CIROZ: variants seen among roughly 807,000 people sequenced by gnomAD.
The protein encoded by CIROZ is ciliated left-right organizer protein containing ZP-N domains, also known as ciliated left-right organizer ZP-N domains-containing protein.
chr1:10,959,245 C>A, the CIROZ span, among the ~76,000 whole-genome samples: 3 of 152,168 alleles, frequency 2.0e-5, no homozygotes, highest in Non-Finnish European at 2.9e-5. This position sits in a 1 kb window ranked among gnomAD's most constrained non-coding sequence, Gnocchi z 4.3. Context: ...ACCAACCATC[C>A]CGGTTCCCCA....
the CIROZ span, chr1:10,957,892 C>T: frequency 5.2e-5 from 49 of 945,778 alleles, no homozygotes; most frequent in East Asian, 9.2e-4. Context: ...GGAGGCAGGA[C>T]GGCAGGCCAC....
chr1:10,972,237 G>A, the CIROZ span, among the ~76,000 whole-genome samples: 2 of 152,176 alleles, frequency 1.3e-5, no homozygotes, highest in Non-Finnish European at 2.9e-5. Context: ...TTGATAGAGA[G>A]CTTAAGTTAA....
At chr1:10,957,122 G>T in the CIROZ span, 29 of 1,546,966 alleles carry the variant, frequency 1.9e-5, no homozygotes, top group South Asian at 3.2e-4. Context: ...GGAGGAAGGG[G>T]GGTCCCCCCT....
At chr1:10,975,100 C>CG in the CIROZ span, among the ~76,000 whole-genome samples, 45 of 152,160 alleles carry the variant, frequency 3.0e-4, no homozygotes, top group East Asian at 6.0e-3. Flanking sequence ...GATGAAACCC[C>CG]GCCTCTACTA....
At chr1:10,973,484 G>C in the CIROZ span, among the ~76,000 whole-genome samples, 1 of 152,230 alleles carries the variant, frequency 6.6e-6, no homozygotes, top group South Asian at 2.1e-4. Flanking sequence ...GGAAGGCTCA[G>C]GAGCTCTTCT....
At chr1:10,963,620 G>A in the CIROZ span, among the ~76,000 whole-genome samples, 1 of 151,928 alleles carries the variant, frequency 6.6e-6, no homozygotes, top group East Asian at 1.9e-4. Context: ...GAGCACACAC[G>A]GCCATGAAAG....
chr1:10,949,438 C>A, the CIROZ span: 1 of 750,934 alleles, frequency 1.3e-6, no homozygotes, highest in South Asian at 1.8e-5. Context: ...CTCTTGGGGG[C>A]CCAGCTTTCT....
chr1:10,957,210 G>T, the CIROZ span: 1 of 869,526 alleles, frequency 1.2e-6, no homozygotes, highest in South Asian at 1.8e-5. Flanking sequence ...ATTAGTCTCT[G>T]AACTAAAGCC....
At chr1:10,963,495 C>A in the CIROZ span, among the ~76,000 whole-genome samples, 1 of 152,008 alleles carries the variant, frequency 6.6e-6, no homozygotes, top group African/African-American at 2.4e-5. Flanking sequence ...ATTTCTGTGG[C>A]GGGTTTGGTC....
the CIROZ span, among the ~76,000 whole-genome samples, chr1:10,956,542 C>G: frequency 6.6e-6 from 1 of 151,072 alleles, no homozygotes; most frequent in Non-Finnish European, 1.5e-5. Flanking sequence ...GTGGCACCAT[C>G]TCGGCTCACT....
chr1:10,971,840 G>A, the CIROZ span, among the ~76,000 whole-genome samples: 19 of 152,174 alleles, frequency 1.2e-4, no homozygotes, highest in Non-Finnish European at 8.8e-5. Context: ...AGTGCCTGTT[G>A]GCCAGCAACT....
the CIROZ span, among the ~76,000 whole-genome samples, chr1:10,947,036 T>G: frequency 4.1e-4 from 62 of 152,278 alleles, 2 homozygotes; most frequent in African/African-American, 1.5e-3. Flanking sequence ...GTGCACTGGA[T>G]GTAGTCCGGC....
chr1:10,947,970 G>C, the CIROZ span: 1 of 1,613,680 alleles, frequency 6.2e-7, no homozygotes, highest in South Asian at 1.1e-5. Context: ...CACAGATGAG[G>C]CTTCGGGTGT....
At chr1:10,962,128 T>A in the CIROZ span, among the ~76,000 whole-genome samples, 1 of 152,022 alleles carries the variant, frequency 6.6e-6, no homozygotes, top group Non-Finnish European at 1.5e-5. Context: ...AGCACTTTGT[T>A]TGAGCCGCAC....
chr1:10,978,345 A>C, the CIROZ span, among the ~76,000 whole-genome samples: 7 of 151,584 alleles, frequency 4.6e-5, no homozygotes, highest in African/African-American at 1.7e-4. Context: ...CACTGCACCG[A>C]GCCCCCAAAT....
chr1:10,952,360 T>C, the CIROZ span, among the ~76,000 whole-genome samples: 1 of 152,150 alleles, frequency 6.6e-6, no homozygotes, highest in Non-Finnish European at 1.5e-5. Flanking sequence ...AAACTCTTCC[T>C]AAAATGTTTC....
the CIROZ span, among the ~76,000 whole-genome samples, chr1:10,973,037 C>T: frequency 5.9e-5 from 9 of 152,260 alleles, no homozygotes; most frequent in East Asian, 1.7e-3. Flanking sequence ...TGCTGGTGGC[C>T]TTGGACCATG....
At chr1:10,964,205 G>A in the CIROZ span, 10 of 1,614,098 alleles carry the variant, frequency 6.2e-6, no homozygotes, top group South Asian at 6.6e-5. Context: ...ATTATGTAGC[G>A]ATCACTCCGC....
chr1:10,977,694 C>T, the CIROZ span, among the ~76,000 whole-genome samples: 11 of 151,990 alleles, frequency 7.2e-5, no homozygotes, highest in East Asian at 3.9e-4. Flanking sequence ...AATTTATTTG[C>T]GTGTCCATAG....
Sources: gnomAD v4.1 joint callset for allele counts (sites outside exome capture counted in the v4.1 genomes callset) on GRCh38, gnomAD v4.1.1 for gene constraint, Gnocchi (gnomAD v3.1) non-coding constraint, MANE v1.5 for transcripts, NCBI Gene and HGNC (gene_info 2026-07-23, HGNC 2026-07-21) for gene names.